Variants in FYB2 observed in about 807,000 individuals in gnomAD.
FYB2 encodes FYN binding protein 2.
FYB2 carries 103 observed loss-of-function variants against 94.1 expected under a neutral mutation model. The observed-to-expected ratio is 1.09, with a 90% CI of 0.93 to 1.29. The LOEUF (loss-of-function observed/expected upper bound fraction) is 1.29, where lower values mean the gene tolerates loss of function less well. Among genes scored for constraint, FYB2 ranks in the 50% most tolerant of loss-of-function variants. The pLI is 0.00. For synonymous variants in FYB2, 293 were observed against 287.9 expected (o/e 1.02, Z -0.18); for missense variants, 896 against 841.5 (o/e 1.06, Z -0.80).
chr1:56,737,385 A>G, intron 14 of FYB2: 2 of 341,034 alleles, frequency 5.9e-6, no homozygotes, highest in Non-Finnish European at 1.0e-5. Context: ...ATCTCAAAAC[A>G]TATATATTTA....
At chr1:56,739,357 C>T (rs1275279533) in intron 13 of FYB2, among the ~76,000 whole-genome samples, 6 of 152,046 alleles carry the variant, frequency 3.9e-5, no homozygotes, top group African/African-American at 1.4e-4. Context: ...TCGCTGACCA[C>T]ACTCCCTCTT....
Position 56,792,796 on chromosome 1 carries a change from ACC to A in FYB2, c.15_16del (p.Val6LysfsTer14), listed in dbSNP as rs757057404. 1 of 1,609,384 alleles carries A rather than the reference ACC, an allele frequency of 6.2e-7. No homozygotes were observed. ...GGCTCGAAGTTCCTTGAAGTTTCTT[ACC>A]CCTTCCTAAGGCAAAGAATAATCAA... On this transcript the variant is annotated frameshift_variant, in exon 2 of 20. Transcript: ENST00000343433. LOFTEE classifies it high-confidence loss of function.
intron 9 of FYB2, among the ~76,000 whole-genome samples, chr1:56,749,181 G>T (rs1249241284): frequency 6.6e-6 from 1 of 150,914 alleles, no homozygotes; most frequent in East Asian, 2.0e-4. Context: ...TTTTTATCCT[G>T]CTTGAGAACT....
At chr1:56,745,926 T>G (rs1387278023) in intron 9 of FYB2, among the ~76,000 whole-genome samples, 1 of 151,968 alleles carries the variant, frequency 6.6e-6, no homozygotes, top group Admixed American at 6.6e-5. Context: ...CTCAGGGATT[T>G]GCACTTTTTT....
chr1:56,808,360 T>C (rs1390878509), intron 1 of FYB2, among the ~76,000 whole-genome samples: 2 of 152,184 alleles, frequency 1.3e-5, no homozygotes, highest in African/African-American at 4.8e-5. Context: ...TAAAGGGTGT[T>C]TGAAAGACCC....
Position 56,813,948 on chromosome 1 carries a change from C to A in FYB2, c.9+5334G>T, listed in dbSNP as rs146002756. On this transcript the variant is annotated intron_variant, in intron 1 of 19. Transcript: ENST00000343433. The stretch of plus-strand genomic sequence containing the variant: ...GCTCAGAGTCTGTGCTCTTAAGCAC[C>A]AGGATTTTCTGCCTCTGTGAGCAAG... Among the ~76,000 whole-genome samples the A allele has an allele frequency of 1.8e-3, 270 of 152,218 alleles. 1 individual carries two copies. Among genetic ancestry groups the A allele is most frequent in the African/African-American group, 6.3e-3 (262 of 41,536 alleles).
At chr1:56,739,480 C>G (rs1015719032) in intron 13 of FYB2, among the ~76,000 whole-genome samples, 3 of 151,956 alleles carry the variant, frequency 2.0e-5, no homozygotes, top group Admixed American at 2.0e-4. Flanking sequence ...GCTTTATAAT[C>G]AAAAAGAACT....
rs1454514104 is a variant in FYB2 at position 56,789,132 on chromosome 1, T to C, written c.760A>G (p.Lys254Glu). Residue 254 changes from lysine (K) to glutamate (E), a missense_variant and splice_region_variant, in exon 3 of 20, where the codon AAA becomes GAA. Coordinates refer to ENST00000343433, the MANE Select transcript of FYB2 (RefSeq NM_001004303.5). The stretch of plus-strand genomic sequence containing the variant: ...TGGTGATGCCTGACATCTGGCTGTT[T>C]TTCTGAACACAAGACAGTAAAAAAT... ...ECELASQAPE[K>E]QPDVRHHHLP... is the part of the protein sequence containing the mutation. 1 of 1,579,582 alleles carries C rather than the reference T, an allele frequency of 6.3e-7. No homozygotes were observed. The highest frequency in any genetic ancestry group is 1.9e-5 in the Admixed American group (1 of 53,890).
At position 56,808,864 on chromosome 1, in the gene FYB2, C is replaced by T. The variant is rs538590143; in HGVS notation, c.9+10418G>A. On this transcript the variant is annotated intron_variant, in intron 1 of 19. Coordinates refer to ENST00000343433, the MANE Select transcript of FYB2 (RefSeq NM_001004303.5). ...AATGATCCTTGCATGGAGAGAAAGC[C>T]GAATGATGGTAATCTTTGTCTAGAC... Among the ~76,000 whole-genome samples, 29 of 152,230 alleles carry T rather than the reference C, an allele frequency of 1.9e-4. No individual in the cohort carries two copies. In the South Asian group the frequency reaches 3.3e-3, roughly 17 times the overall value.
Position 56,738,087 on chromosome 1 carries a change from A to C in FYB2, c.1732+538T>G, listed in dbSNP as rs539752871. Among the ~76,000 whole-genome samples the C allele has an allele frequency of 3.3e-5, 5 of 152,242 alleles. No individual in the cohort carries two copies. In the East Asian group the frequency reaches 9.7e-4, roughly 29 times the overall value. On this transcript the variant is annotated intron_variant, in intron 14 of 19. Transcript: ENST00000343433. Reference sequence around the variant, plus strand: ...TTTATTGACAAATTCAATGTACTGAACGTGTATTGACAGCCTACTATGTGT... The same window carrying C: ...TTTATTGACAAATTCAATGTACTGACCGTGTATTGACAGCCTACTATGTGT...
chr1:56,727,317 A>G (rs1644604170), intron 15 of FYB2, among the ~76,000 whole-genome samples: 2 of 152,068 alleles, frequency 1.3e-5, no homozygotes, highest in Non-Finnish European at 2.9e-5. Context: ...TGCATTCCCT[A>G]TAATTTGCAT....
At chr1:56,740,923 A>C in intron 12 of FYB2, 128 bp from the exon 13 acceptor site, 1 of 523,878 alleles carries the variant, frequency 1.9e-6, no homozygotes. Flanking sequence ...ATAGGTATAC[A>C]TGGTCATAAA....
intron 13 of FYB2, among the ~76,000 whole-genome samples, chr1:56,738,898 C>G (rs1469668999): frequency 1.3e-5 from 2 of 151,964 alleles, no homozygotes; most frequent in Admixed American, 1.3e-4. Flanking sequence ...GGGAGACATT[C>G]AATAAGGGAC....
At chr1:56,764,601 A>T (rs542862926) in intron 5 of FYB2, among the ~76,000 whole-genome samples, 10 of 149,550 alleles carry the variant, frequency 6.7e-5, no homozygotes, top group Non-Finnish European at 1.3e-4. Flanking sequence ...TATTTCTTTG[A>T]TAAGACTTTT....
chr1:56,796,615 A>G (rs1004333829), intron 1 of FYB2, among the ~76,000 whole-genome samples: 2 of 152,236 alleles, frequency 1.3e-5, no homozygotes, highest in South Asian at 4.2e-4. Flanking sequence ...AGCATCCTCA[A>G]AGCTTTCAAA....
chr1:56,719,459 T>TAGAC lies in FYB2; in HGVS notation c.*208_*211dup. ...ACTGACAGTGAAGTAGATACTGAAA[T>TAGAC]AGACATTGAAAGATAACCTTTTAGG... On this transcript the variant is annotated 3_prime_UTR_variant, in exon 20 of 20. Coordinates refer to ENST00000343433, the MANE Select transcript of FYB2 (RefSeq NM_001004303.5). 2.0e-6 allele frequency: 1 copy of TAGAC among 512,596 alleles called. No homozygotes were observed. The highest frequency in any genetic ancestry group is 3.3e-5 in the South Asian group (1 of 30,714). 31.8% of individuals were successfully genotyped at this position (512,596 alleles called of 1,614,324 possible). A position where few individuals can be genotyped will look rare whatever the true frequency, so the allele number is the denominator to read the frequency against.
intron 6 of FYB2, among the ~76,000 whole-genome samples, chr1:56,758,168 C>CTA (rs1441693393): frequency 9.6e-4 from 146 of 152,136 alleles, no homozygotes; most frequent in Non-Finnish European, 1.8e-3. Context: ...TGTATACCTT[C>CTA]ATTTATCTTA....
At chr1:56,742,989 T>C (rs182611062) in intron 11 of FYB2, among the ~76,000 whole-genome samples, 10 of 152,214 alleles carry the variant, frequency 6.6e-5, no homozygotes, top group Admixed American at 5.9e-4. Flanking sequence ...ATATATAACA[T>C]GTTTTGATAA....
At chr1:56,755,778 G>C in intron 7 of FYB2, 118 bp downstream of exon 7, 1 of 989,026 alleles carries the variant, frequency 1.0e-6, no homozygotes, top group Non-Finnish European at 1.6e-6. Context: ...AGGTGCCGGG[G>C]AAACTGAACC....
Sources: allele counts gnomAD v4.1 joint callset (sites outside exome capture counted in the v4.1 genomes callset), GRCh38; gene constraint gnomAD v4.1.1; transcripts MANE v1.5; gene names NCBI Gene and HGNC (gene_info 2026-07-23, HGNC 2026-07-21).